CDH8: variants seen among roughly 807,000 people sequenced by gnomAD.
CDH8 encodes the protein cadherin-8.
A neutral mutation model predicts 68.1 loss-of-function variants in CDH8; 17 were observed. That is an observed-to-expected ratio of 0.25 (90% CI 0.17 to 0.37). The LOEUF is 0.37. CDH8 is among the 10% of genes least tolerant of loss of function. CDH8 has a pLI of 1.00. For missense variants in CDH8, 763 were observed against 999.3 expected (o/e 0.76, Z 3.19); for synonymous variants, 372 against 365.1 (o/e 1.02, Z -0.21).
chr16:61,813,749 C>A (rs564657330), intron 7 of CDH8, among the ~76,000 whole-genome samples: 10 of 151,950 alleles, frequency 6.6e-5, no homozygotes, highest in Non-Finnish European at 1.0e-4. Context: ...CCTAAATTTT[C>A]CTTGTTATGT....
chr16:61,914,160 C>T (rs1341724581), intron 2 of CDH8, among the ~76,000 whole-genome samples: 3 of 152,052 alleles, frequency 2.0e-5, no homozygotes, highest in Admixed American at 6.6e-5. Flanking sequence ...AGAGAAGTCT[C>T]GGAAAATAAC....
intron 3 of CDH8, among the ~76,000 whole-genome samples, chr16:61,857,682 A>G (rs937441493): frequency 6.6e-6 from 1 of 152,224 alleles, no homozygotes; most frequent in African/African-American, 2.4e-5. Context: ...AGAATATTTT[A>G]TACCATCTTG....
At chr16:61,718,413 G>C (rs1476294658) in intron 9 of CDH8, among the ~76,000 whole-genome samples, 1 of 151,280 alleles carries the variant, frequency 6.6e-6, no homozygotes, top group Non-Finnish European at 1.5e-5. Flanking sequence ...TGAACAGCAT[G>C]GTATCTTCAA....
chr16:61,787,141 G>A (rs1443467101), intron 8 of CDH8, among the ~76,000 whole-genome samples: 1 of 151,802 alleles, frequency 6.6e-6, no homozygotes, highest in Non-Finnish European at 1.5e-5. Context: ...ACTACCATCA[G>A]AGTGAACAGG....
At chr16:61,901,556 T>C in intron 2 of CDH8, 83 bp from the exon 3 acceptor site, 1 of 969,300 alleles carries the variant, frequency 1.0e-6, no homozygotes, top group Non-Finnish European at 1.6e-6. Flanking sequence ...AATATTAAGT[T>C]GGTTCTTTTT....
At chr16:62,020,279 C>A (rs1424097202) in intron 2 of CDH8, among the ~76,000 whole-genome samples, 2 of 152,096 alleles carry the variant, frequency 1.3e-5, no homozygotes, top group African/African-American at 4.8e-5. Flanking sequence ...GAAAATCAGT[C>A]ATTGGCAGGC....
At chr16:61,734,315 T>C (rs1264421927) in intron 8 of CDH8, among the ~76,000 whole-genome samples, 1 of 152,144 alleles carries the variant, frequency 6.6e-6, no homozygotes, top group Admixed American at 6.6e-5. Flanking sequence ...TGGGACCTTG[T>C]TGACGTTGAC....
intron 3 of CDH8, among the ~76,000 whole-genome samples, chr16:61,870,352 T>C (rs1963333905): frequency 6.6e-6 from 1 of 152,214 alleles, no homozygotes; most frequent in Non-Finnish European, 1.5e-5. Flanking sequence ...AAGTATTTTG[T>C]ACATGTTTCA....
intron 7 of CDH8, among the ~76,000 whole-genome samples, chr16:61,809,858 A>C (rs1961896521): frequency 6.6e-6 from 1 of 152,128 alleles, no homozygotes; most frequent in Non-Finnish European, 1.5e-5. Context: ...TTAGCAACTC[A>C]CCTGTGAAGT....
At chr16:61,799,913 C>T (rs146691938) in intron 7 of CDH8, among the ~76,000 whole-genome samples, 26 of 152,038 alleles carry the variant, frequency 1.7e-4, no homozygotes, top group South Asian at 6.2e-4. Flanking sequence ...TTTTCCCCCC[C>T]CCAAAGACAA....
chr16:61,997,433 T>C (rs1009092723), intron 2 of CDH8, among the ~76,000 whole-genome samples: 2 of 152,244 alleles, frequency 1.3e-5, no homozygotes, highest in Admixed American at 1.3e-4. Context: ...TTTTTATCCT[T>C]CCAGAAAAAC....
chr16:61,768,475 C>T (rs886531915), intron 8 of CDH8, among the ~76,000 whole-genome samples: 1 of 148,164 alleles, frequency 6.7e-6, no homozygotes, highest in Non-Finnish European at 1.5e-5. Flanking sequence ...TCCCCAGTTT[C>T]TATCTGTGTG....
chr16:61,815,066 A>T (rs966993149), intron 7 of CDH8, among the ~76,000 whole-genome samples: 3 of 152,204 alleles, frequency 2.0e-5, no homozygotes, highest in Non-Finnish European at 2.9e-5. Flanking sequence ...TTCTTTGGGT[A>T]GAACCATAGA....
At chr16:61,874,903 C>G (rs552522330) in intron 3 of CDH8, among the ~76,000 whole-genome samples, 1 of 152,214 alleles carries the variant, frequency 6.6e-6, no homozygotes, top group South Asian at 2.1e-4. Flanking sequence ...TCCTAAGACC[C>G]CATAGACTGT....
At chr16:61,923,476 A>G (rs1280023021) in intron 2 of CDH8, among the ~76,000 whole-genome samples, 1 of 152,100 alleles carries the variant, frequency 6.6e-6, no homozygotes, top group Non-Finnish European at 1.5e-5. Context: ...TGGCATCACA[A>G]AACATGGGTC....
rs1025153976 is a variant in CDH8 at position 61,675,633 on chromosome 16, A to T, written c.1655-19912T>A. 1.2e-4 allele frequency among the ~76,000 whole-genome samples: 18 copies of T among 150,760 alleles called. No homozygotes were observed. The East Asian group carries it at 1.4e-3, about 11-fold the overall frequency. ...ATAAAAAAAATAAAAAAAATAAAAA[A>T]AAATAAAAATAGTGTTATCATTTAT... On this transcript the variant is annotated intron_variant, in intron 10 of 11. Transcript: ENST00000577390.
chr16:61,662,374 T>C (rs1211731344), intron 10 of CDH8, among the ~76,000 whole-genome samples: 4 of 151,668 alleles, frequency 2.6e-5, no homozygotes, highest in African/African-American at 9.7e-5. Context: ...AAACAGAGAG[T>C]GTGTCCTAAT....
At chr16:61,674,886 A>C (rs1005899286) in intron 10 of CDH8, among the ~76,000 whole-genome samples, 4 of 151,862 alleles carry the variant, frequency 2.6e-5, no homozygotes, top group Non-Finnish European at 5.9e-5. Context: ...AAGATCTGTG[A>C]ATTTGAAGAC....
At chr16:61,829,196 G>GTTA (rs1962403509) in intron 4 of CDH8, among the ~76,000 whole-genome samples, 2 of 151,732 alleles carry the variant, frequency 1.3e-5, no homozygotes, top group Admixed American at 1.3e-4. Context: ...GGCCACTCAG[G>GTTA]TTATTATTTA....
Sources: allele counts gnomAD v4.1 joint callset (sites outside exome capture counted in the v4.1 genomes callset), GRCh38; gene constraint gnomAD v4.1.1; transcripts MANE v1.5; gene names NCBI Gene and HGNC (gene_info 2026-07-23, HGNC 2026-07-21).